SVOP: variants seen among roughly 807,000 people sequenced by gnomAD.
The protein encoded by SVOP is SV2 related protein.
A neutral mutation model predicts 69.1 loss-of-function variants in SVOP; 17 were observed. That is an observed-to-expected ratio of 0.25 (90% CI 0.17 to 0.37). The LOEUF (loss-of-function observed/expected upper bound fraction) is 0.37, where lower values mean the gene tolerates loss of function less well. Ranked by LOEUF, SVOP falls within the 10% of genes least tolerant of loss-of-function variation. SVOP has a pLI of 1.00. For missense variants in SVOP, 435 were observed against 597.5 expected (o/e 0.73, Z 2.84); for synonymous variants, 238 against 238.6 (o/e 1.00, Z 0.02).
intron 1 of SVOP, among the ~76,000 whole-genome samples, chr12:109,016,410 A>G (rs941241031): frequency 6.6e-6 from 1 of 152,210 alleles, no homozygotes; most frequent in Non-Finnish European, 1.5e-5. Context: ...GAAAGGAGAC[A>G]GTAGATTCAG....
rs369631785 is a variant in SVOP, at chr12:108,992,241, T to TAA, written c.36-8482_36-8481dup. Among the ~76,000 whole-genome samples, 189 of 145,730 alleles carry TAA rather than the reference T, an allele frequency of 1.3e-3. 1 individual carries two copies. Among genetic ancestry groups the TAA allele is most frequent in the Middle Eastern group, 3.6e-3 (1 of 280 alleles). On this transcript the variant is annotated intron_variant, in intron 1 of 15. Transcript: ENST00000610966. ...CCATCGGGCTCTAGCACATCACTGT[T>TAA]AAAAAAAAAAAAAGTCCTCAGGGGT... is the stretch of plus-strand genomic sequence containing the variant.
chr12:108,976,769 C>A (rs1204666420), intron 4 of SVOP, among the ~76,000 whole-genome samples: 1 of 152,134 alleles, frequency 6.6e-6, no homozygotes, highest in African/African-American at 2.4e-5. Context: ...GCGCCCCCAC[C>A]ACGCCCAGCT....
rs188472595 is a variant in SVOP at position 109,018,288 on chromosome 12, G to A, written c.35+2546C>T. ...CTCCTCTATGTGGTGCTGTCCCAGAGTGGACAGCATGTGAAAAACAATGGT... is the reference window on the plus strand; with the variant it reads ...CTCCTCTATGTGGTGCTGTCCCAGAATGGACAGCATGTGAAAAACAATGGT... On this transcript the variant is annotated intron_variant, in intron 1 of 15. Transcript: ENST00000610966. Among the ~76,000 whole-genome samples the A allele has an allele frequency of 9.8e-5, 15 of 152,326 alleles. No homozygotes were observed. The East Asian group carries it at 2.9e-3, about 29-fold the overall frequency.
chr12:109,019,611 A>G (rs2040385383), intron 1 of SVOP, among the ~76,000 whole-genome samples: 1 of 152,170 alleles, frequency 6.6e-6, no homozygotes, highest in Non-Finnish European at 1.5e-5. Context: ...ATTTTTATGT[A>G]CTGTTATATC....
intron 9 of SVOP, 34 bp downstream of exon 9, chr12:108,938,793 G>C: frequency 6.2e-7 from 1 of 1,613,478 alleles, no homozygotes; most frequent in Non-Finnish European, 8.5e-7. Flanking sequence ...ACCCCGATAC[G>C]CACATTGCAG....
intron 7 of SVOP, among the ~76,000 whole-genome samples, chr12:108,943,186 C>T (rs2039902538): frequency 6.6e-6 from 1 of 152,148 alleles, no homozygotes; most frequent in Non-Finnish European, 1.5e-5. Context: ...TGTTCTGGAG[C>T]CCCCAAGAAC....
intron 1 of SVOP, among the ~76,000 whole-genome samples, chr12:109,008,134 G>T (rs1180697678): frequency 6.6e-6 from 1 of 151,908 alleles, no homozygotes; most frequent in Admixed American, 6.6e-5. Context: ...AGTGTACTAG[G>T]ACCCTGGCTC....
chr12:108,994,782 G>A (rs2040222013), intron 1 of SVOP, among the ~76,000 whole-genome samples: 2 of 152,112 alleles, frequency 1.3e-5, no homozygotes, highest in Admixed American at 1.3e-4. Flanking sequence ...TGTGATAATA[G>A]AACACTAGAA....
intron 1 of SVOP, among the ~76,000 whole-genome samples, chr12:108,988,040 G>A (rs1239626617): frequency 6.6e-6 from 1 of 152,046 alleles, no homozygotes; most frequent in African/African-American, 2.4e-5. Context: ...TCCCACCTCA[G>A]CCTCTTGAGT....
chr12:108,982,921 T>C (rs1265107500), intron 2 of SVOP, among the ~76,000 whole-genome samples: 2 of 147,586 alleles, frequency 1.4e-5, no homozygotes, highest in African/African-American at 5.0e-5. Flanking sequence ...TCATCTTTCA[T>C]CACTAGCATC....
chr12:108,929,934 C>A (rs2039805485), intron 11 of SVOP, among the ~76,000 whole-genome samples: 1 of 152,120 alleles, frequency 6.6e-6, no homozygotes, highest in Non-Finnish European at 1.5e-5. Flanking sequence ...GGTGCTGGAA[C>A]CCAGGTCTCC....
intron 11 of SVOP, among the ~76,000 whole-genome samples, chr12:108,929,674 T>A (rs953451909): frequency 1.3e-5 from 2 of 152,108 alleles, no homozygotes; most frequent in African/African-American, 4.8e-5. Flanking sequence ...TAATTTTCCA[T>A]CCACTGACTC....
At chr12:109,010,127 C>A (rs373601181) in intron 1 of SVOP, among the ~76,000 whole-genome samples, 93 of 119,012 alleles carry the variant, frequency 7.8e-4, no homozygotes, top group African/African-American at 7.6e-4. Flanking sequence ...CTCTCTCTCT[C>A]AAAAAAAAAA....
chr12:108,976,521 C>T (rs2040107122), intron 4 of SVOP, among the ~76,000 whole-genome samples: 1 of 151,970 alleles, frequency 6.6e-6, no homozygotes, highest in Admixed American at 6.6e-5. Context: ...TAGGTAAAGG[C>T]CTTTGCACAG....
intron 1 of SVOP, among the ~76,000 whole-genome samples, chr12:109,007,846 TG>T (rs2040317617): frequency 6.6e-6 from 1 of 152,104 alleles, no homozygotes; most frequent in Admixed American, 6.6e-5. Context: ...GAGACCAACC[TG>T]GGCAACATGG....
At chr12:108,946,067 C>T (rs2039921054) in intron 6 of SVOP, among the ~76,000 whole-genome samples, 1 of 152,194 alleles carries the variant, frequency 6.6e-6, no homozygotes, top group South Asian at 2.1e-4. Flanking sequence ...AAGTCATCTA[C>T]CACTGTGATG....
chr12:108,970,860 T>C (rs2040074803), intron 5 of SVOP, among the ~76,000 whole-genome samples: 1 of 148,920 alleles, frequency 6.7e-6, no homozygotes. Flanking sequence ...CTACAAAAAA[T>C]AAAAAAACAA....
At chr12:108,994,693 C>A (rs779067584) in intron 1 of SVOP, among the ~76,000 whole-genome samples, 1 of 152,224 alleles carries the variant, frequency 6.6e-6, no homozygotes, top group Non-Finnish European at 1.5e-5. Context: ...TTTGGCAAAG[C>A]CATCTGACTT....
intron 5 of SVOP, among the ~76,000 whole-genome samples, chr12:108,964,636 T>C (rs2137425041): frequency 6.6e-6 from 1 of 152,276 alleles, no homozygotes; most frequent in Admixed American, 6.5e-5. Context: ...GTAAGGCCTG[T>C]CATGGATATT....
Sources: allele counts gnomAD v4.1 joint callset (sites outside exome capture counted in the v4.1 genomes callset), GRCh38; gene constraint gnomAD v4.1.1; transcripts MANE v1.5; gene names NCBI Gene and HGNC (gene_info 2026-07-23, HGNC 2026-07-21).